The following CLASP1 variants were observed in gnomAD, a reference collection of about 807,000 sequenced individuals.
CLASP1 encodes CLIP-associating protein 1.
CLASP1 carries 38 observed loss-of-function variants against 192.3 expected under a neutral mutation model. The observed-to-expected ratio is 0.20, with a 90% CI of 0.15 to 0.26. The LOEUF (loss-of-function observed/expected upper bound fraction) is 0.26, where lower values mean the gene tolerates loss of function less well. Among genes scored for constraint, CLASP1 ranks in the 10% least tolerant of loss-of-function variants. The pLI is 1.00. For synonymous variants in CLASP1, 691 were observed against 712.8 expected, an observed-to-expected ratio of 0.97 and a Z score of 0.49; for missense variants, 1,433 against 1,932.5, an observed-to-expected ratio of 0.74 and a Z score of 4.85.
chr2:121,466,533 C>T (rs143385195), intron 9 of CLASP1, among the ~76,000 whole-genome samples: 1,772 of 152,300 alleles, frequency 0.012, 38 homozygotes, highest in African/African-American at 0.04. Context: ...ACTATCCCCA[C>T]CACCACCAAC....
intron 19 of CLASP1, among the ~76,000 whole-genome samples, chr2:121,441,803 TA>T (rs1454095664): frequency 3.3e-5 from 5 of 152,212 alleles, no homozygotes; most frequent in African/African-American, 1.2e-4. Context: ...AACACCCTTT[TA>T]CTTCTATATA....
At chr2:121,459,436 T>C (rs1022488255) in intron 12 of CLASP1, among the ~76,000 whole-genome samples, 1 of 152,200 alleles carries the variant, frequency 6.6e-6, no homozygotes, top group Non-Finnish European at 1.5e-5. Context: ...ACATAAAATA[T>C]TCAGGCTTCA....
intron 32 of CLASP1, among the ~76,000 whole-genome samples, chr2:121,383,773 T>C (rs1412455800): frequency 6.6e-6 from 1 of 151,724 alleles, no homozygotes; most frequent in East Asian, 1.9e-4. Context: ...CGTAAAATCA[T>C]ATTGGGTAAA....
intron 2 of CLASP1, among the ~76,000 whole-genome samples, chr2:121,590,043 A>G (rs1008467435): frequency 6.6e-6 from 1 of 152,138 alleles, no homozygotes; most frequent in South Asian, 2.1e-4. Context: ...AAACTATTTT[A>G]TTTACCTTAT....
chr2:121,628,488 C>T (rs2068807141), intron 1 of CLASP1, among the ~76,000 whole-genome samples: 2 of 151,944 alleles, frequency 1.3e-5, no homozygotes, highest in Non-Finnish European at 2.9e-5. Flanking sequence ...CCAGCCTTGC[C>T]AACATGGTGA....
intron 30 of CLASP1, among the ~76,000 whole-genome samples, chr2:121,390,280 T>G (rs1466780290): frequency 1.3e-5 from 2 of 152,330 alleles, no homozygotes; most frequent in East Asian, 3.9e-4. Context: ...GCATAGCTCA[T>G]GTTTACTAGT....
chr2:121,595,808 T>C (rs1320573778), intron 2 of CLASP1, among the ~76,000 whole-genome samples: 1 of 152,242 alleles, frequency 6.6e-6, no homozygotes, highest in Admixed American at 6.5e-5. Context: ...CACATAAAAG[T>C]TAACTTTCCT....
chr2:121,648,956 A>C (rs1412742402), intron 1 of CLASP1, among the ~76,000 whole-genome samples: 1 of 151,992 alleles, frequency 6.6e-6, no homozygotes, highest in Non-Finnish European at 1.5e-5. Flanking sequence ...CTCGCCAATG[A>C]CTAGTTGTTG....
chr2:121,459,338 TA>T (rs2087385161), intron 12 of CLASP1, among the ~76,000 whole-genome samples: 1 of 152,108 alleles, frequency 6.6e-6, no homozygotes, highest in Non-Finnish European at 1.5e-5. Context: ...CAGCTAGTCT[TA>T]AAATAGCAAA....
intron 37 of CLASP1, among the ~76,000 whole-genome samples, chr2:121,355,523 C>T (rs904874937): frequency 2.0e-5 from 3 of 152,030 alleles, no homozygotes; most frequent in Non-Finnish European, 4.4e-5. Context: ...AGTTTGAGGC[C>T]CTCTTTTTCA....
exon 12 of CLASP1, chr2:121,460,068 G>C: frequency 6.2e-7 from 1 of 1,613,580 alleles, no homozygotes; most frequent in African/African-American, 1.3e-5. Context: ...CGCAAATGTT[G>C]AAAGAAGTTA....
At chr2:121,597,521 C>A (rs2063283583) in intron 2 of CLASP1, among the ~76,000 whole-genome samples, 2 of 152,116 alleles carry the variant, frequency 1.3e-5, no homozygotes, top group Admixed American at 6.6e-5. Context: ...TCCGGGGCAG[C>A]AACTCACAAT....
At chr2:121,393,664 G>T (rs183742152) in intron 30 of CLASP1, among the ~76,000 whole-genome samples, 1 of 152,174 alleles carries the variant, frequency 6.6e-6, no homozygotes, top group South Asian at 2.1e-4. Context: ...ATGTTCAACG[G>T]ATGCTACATC....
intron 8 of CLASP1, among the ~76,000 whole-genome samples, chr2:121,498,329 A>C (rs1462464332): frequency 4.0e-4 from 54 of 136,492 alleles, no homozygotes; most frequent in Non-Finnish European, 5.9e-4. Flanking sequence ...CCACCCCACC[A>C]CCCCCCCAGC....
At chr2:121,569,718 G>A (rs1003737080) in intron 2 of CLASP1, among the ~76,000 whole-genome samples, 8 of 152,146 alleles carry the variant, frequency 5.3e-5, no homozygotes, top group African/African-American at 1.9e-4. Flanking sequence ...GTGCGTGCCT[G>A]TAGTCCCAGC....
chr2:121,535,725 T>C (rs569160533), intron 2 of CLASP1, among the ~76,000 whole-genome samples: 1 of 152,002 alleles, frequency 6.6e-6, no homozygotes, highest in African/African-American at 2.4e-5. Flanking sequence ...TTCGGCTCAC[T>C]GCAACCTCCA....
At chr2:121,511,701 G>A (rs964950317) in intron 7 of CLASP1, among the ~76,000 whole-genome samples, 8 of 151,944 alleles carry the variant, frequency 5.3e-5, no homozygotes, top group African/African-American at 1.5e-4. Flanking sequence ...CCAATTATTA[G>A]GAGAACAGTA....
chr2:121,574,298 A>G (rs1258435598), intron 2 of CLASP1, among the ~76,000 whole-genome samples: 2 of 150,940 alleles, frequency 1.3e-5, no homozygotes, highest in African/African-American at 4.9e-5. Context: ...ACTGCACTCC[A>G]GCCTGGGCGA....
intron 7 of CLASP1, chr2:121,512,915 A>T (rs1424347345): frequency 6.6e-6 from 1 of 152,248 alleles, no homozygotes; most frequent in Non-Finnish European, 1.5e-5. Context: ...TTTGGAAAGC[A>T]TTAAGCAAAT....
Sources: gnomAD v4.1 joint callset for allele counts (sites outside exome capture counted in the v4.1 genomes callset) on GRCh38, gnomAD v4.1.1 for gene constraint, MANE v1.5 for transcripts, NCBI Gene and HGNC (gene_info 2026-07-23, HGNC 2026-07-21) for gene names.